The following FHIT variants were observed in gnomAD, a reference collection of about 807,000 sequenced individuals.
FHIT encodes fragile histidine triad diadenosine triphosphatase, also known as bis(5'-adenosyl)-triphosphatase.
A neutral mutation model predicts 17.9 loss-of-function variants in FHIT; 19 were observed. The observed-to-expected ratio is 1.06, with a 90% CI of 0.74 to 1.56. The LOEUF (loss-of-function observed/expected upper bound fraction) is 1.56. Among genes scored for constraint, FHIT ranks in the 40% most tolerant of loss-of-function variants. The probability of loss-of-function intolerance (pLI) is 0.00; values close to 1 mark genes in which losing one functional copy is unlikely to be tolerated. For synonymous variants in FHIT, 81 were observed against 69.7 expected (o/e 1.16, Z -0.81); for missense variants, 248 against 189.2 (o/e 1.31, Z -1.82).
chr3:60,852,421 T>C (rs547275959), intron 3 of FHIT, among the ~76,000 whole-genome samples: 1 of 152,242 alleles, frequency 6.6e-6, no homozygotes, highest in African/African-American at 2.4e-5. Flanking sequence ...ATTCTGTTTC[T>C]CTGGAGAACC....
At chr3:60,135,232 A>G (rs1034877990) in intron 5 of FHIT, among the ~76,000 whole-genome samples, 1 of 152,126 alleles carries the variant, frequency 6.6e-6, no homozygotes, top group African/African-American at 2.4e-5. Flanking sequence ...CAAACAAATC[A>G]ATTCGGCACC....
At chr3:60,110,010 G>T (rs1015613977) in intron 5 of FHIT, among the ~76,000 whole-genome samples, 14 of 152,058 alleles carry the variant, frequency 9.2e-5, no homozygotes, top group African/African-American at 3.4e-4. Context: ...TCGAGACCTC[G>T]ATCAGAAATA....
At chr3:61,025,680 G>T (rs1376019901) in intron 3 of FHIT, among the ~76,000 whole-genome samples, 1 of 151,922 alleles carries the variant, frequency 6.6e-6, no homozygotes, top group Non-Finnish European at 1.5e-5. Context: ...ATCTACCAAG[G>T]AAGGGAGAAA....
At chr3:59,843,443 G>C (rs1477895958) in intron 8 of FHIT, among the ~76,000 whole-genome samples, 1 of 152,014 alleles carries the variant, frequency 6.6e-6, no homozygotes, top group African/African-American at 2.4e-5. Context: ...CTTTTTGTAT[G>C]TCAGCAAAAA....
intron 5 of FHIT, among the ~76,000 whole-genome samples, chr3:60,014,546 T>C (rs1280355233): frequency 1.3e-5 from 2 of 152,234 alleles, no homozygotes; most frequent in Admixed American, 1.3e-4. Context: ...AACTGGAATA[T>C]CTACTTGGTT....
At chr3:59,766,950 G>C (rs528339066) in intron 8 of FHIT, among the ~76,000 whole-genome samples, 2 of 152,274 alleles carry the variant, frequency 1.3e-5, no homozygotes, top group African/African-American at 4.8e-5. Context: ...ATCTGTGAGA[G>C]TTCCTAATTG....
intron 4 of FHIT, among the ~76,000 whole-genome samples, chr3:60,621,809 G>C (rs1358482604): frequency 1.3e-5 from 2 of 151,462 alleles, no homozygotes. Context: ...GGAGATTAAG[G>C]GTACAGGGAG....
intron 3 of FHIT, among the ~76,000 whole-genome samples, chr3:60,982,092 A>G (rs1710522048): frequency 1.3e-5 from 2 of 152,292 alleles, no homozygotes; most frequent in South Asian, 4.1e-4. Context: ...ATTCTGCACA[A>G]AGCAGCAAGA....
chr3:60,099,960 G>T (rs771402232), intron 5 of FHIT, among the ~76,000 whole-genome samples: 5 of 152,276 alleles, frequency 3.3e-5, no homozygotes, highest in Admixed American at 6.5e-5. Flanking sequence ...CTCCGTAAAT[G>T]GTTGTGGTGT....
At chr3:60,128,923 A>T (rs966306361) in intron 5 of FHIT, among the ~76,000 whole-genome samples, 3 of 152,156 alleles carry the variant, frequency 2.0e-5, no homozygotes, top group Non-Finnish European at 1.5e-5. Flanking sequence ...ACAGATACCA[A>T]GATGAATTGC....
chr3:60,712,803 C>T (rs1348472139), intron 4 of FHIT, among the ~76,000 whole-genome samples: 1 of 137,672 alleles, frequency 7.3e-6, no homozygotes, highest in Non-Finnish European at 1.6e-5. Context: ...TACAAAGAGA[C>T]TTAGACTCCC....
chr3:60,265,937 A>C (rs188177385), intron 5 of FHIT, among the ~76,000 whole-genome samples: 19 of 152,088 alleles, frequency 1.2e-4, no homozygotes, highest in Admixed American at 5.9e-4. Flanking sequence ...ATGGGGAAAA[A>C]TCAGAACCCT....
At chr3:60,690,597 A>G in intron 4 of FHIT, 1 of 535,494 alleles carries the variant, frequency 1.9e-6, no homozygotes. Flanking sequence ...CTTTTTCTCC[A>G]GTGCTCAGAG....
In FHIT at chr3:59,833,348, C is replaced by T. The variant is rs550165600; in HGVS notation, c.349-81027G>A. 4.6e-5 allele frequency among the ~76,000 whole-genome samples: 7 copies of T among 152,224 alleles called. No individual in the cohort carries two copies. The South Asian group carries it at 1.2e-3, about 27-fold the overall frequency. ...ATTGATGTGCTTATAAGAAGACAGC[C>T]ACATGAAGTTTGAGATACACATAAT... is the stretch of plus-strand genomic sequence containing the variant. On this transcript the variant is annotated intron_variant, in intron 8 of 9. Coordinates refer to ENST00000492590, the MANE Select transcript of FHIT (RefSeq NM_002012.4).
chr3:59,894,647 T>A (rs901395283), intron 8 of FHIT, among the ~76,000 whole-genome samples: 7 of 152,114 alleles, frequency 4.6e-5, no homozygotes, highest in African/African-American at 1.7e-4. Context: ...TGTGTTGCGA[T>A]GGTGGTTCTG....
intron 4 of FHIT, among the ~76,000 whole-genome samples, chr3:60,670,085 C>T (rs1577051554): frequency 6.6e-6 from 1 of 152,152 alleles, no homozygotes; most frequent in Non-Finnish European, 1.5e-5. Flanking sequence ...CGATCTTTCT[C>T]TTTGTCTTCA....
At chr3:60,261,196 A>G (rs942156042) in intron 5 of FHIT, among the ~76,000 whole-genome samples, 2 of 152,074 alleles carry the variant, frequency 1.3e-5, no homozygotes, top group Non-Finnish European at 2.9e-5. Context: ...AATAAAGTTG[A>G]TTTCACTTTA....
chr3:60,071,128 T>C (rs1253937324), intron 5 of FHIT, among the ~76,000 whole-genome samples: 1 of 152,122 alleles, frequency 6.6e-6, no homozygotes, highest in Non-Finnish European at 1.5e-5. Context: ...TCCTGCTGTA[T>C]CAATAGAGTA....
chr3:60,211,018 A>G (rs554809994), intron 5 of FHIT, among the ~76,000 whole-genome samples: 2 of 147,148 alleles, frequency 1.4e-5, no homozygotes, highest in East Asian at 2.1e-4. Context: ...TAGGGGATGG[A>G]GTGAGAAAAA....
Sources: allele counts gnomAD v4.1 joint callset (sites outside exome capture counted in the v4.1 genomes callset), GRCh38; gene constraint gnomAD v4.1.1; transcripts MANE v1.5; gene names NCBI Gene and HGNC (gene_info 2026-07-23, HGNC 2026-07-21).